KLRG1: variants seen among roughly 807,000 people sequenced by gnomAD.
KLRG1 encodes the protein killer cell lectin-like receptor subfamily G member 1.
A neutral mutation model predicts 21.8 loss-of-function variants in KLRG1; 16 were observed. That is an observed-to-expected ratio of 0.73 (90% confidence interval 0.50 to 1.11). KLRG1 has a LOEUF of 1.11. Ranked by LOEUF, KLRG1 falls within the 50% of genes most tolerant of loss-of-function variation. KLRG1 has a pLI of 0.00. For missense variants in KLRG1, 173 were observed against 218.3 expected (o/e 0.79, Z 1.31); for synonymous variants, 69 against 75.9 (o/e 0.91, Z 0.47).
the KLRG1 span, among the ~76,000 whole-genome samples, chr12:9,212,347 C>T: frequency 6.6e-6 from 1 of 152,188 alleles, no homozygotes; most frequent in African/African-American, 2.4e-5. Context: ...GCATTTCTCC[C>T]ATTAGGTCCC....
the KLRG1 span, chr12:9,153,121 C>G: frequency 1.2e-6 from 2 of 1,613,718 alleles, no homozygotes; most frequent in Non-Finnish European, 8.5e-7. Flanking sequence ...GCTTGGAGCC[C>G]TACCTGAAGA....
the KLRG1 span, chr12:9,106,752 C>T: frequency 2.3e-5 from 11 of 468,316 alleles, no homozygotes; most frequent in Non-Finnish European, 3.8e-5. Flanking sequence ...TCTCTAGCAA[C>T]TAAATATTAA....
At chr12:9,028,700 C>G in the KLRG1 span, 3 of 469,466 alleles carry the variant, frequency 6.4e-6, no homozygotes, top group Admixed American at 2.6e-5. Flanking sequence ...CCTTGGCCCC[C>G]CAAAGTGCTG....
the KLRG1 span, chr12:9,165,457 G>T: frequency 7.1e-7 from 1 of 1,417,646 alleles, no homozygotes; most frequent in Admixed American, 1.9e-5. Context: ...CTAACGTCAA[G>T]AACTGAATCC....
At chr12:9,190,819 A>G in the KLRG1 span, among the ~76,000 whole-genome samples, 3 of 152,212 alleles carry the variant, frequency 2.0e-5, no homozygotes, top group African/African-American at 4.8e-5. Context: ...TATGAAGAAT[A>G]GTGTGAAAAG....
the KLRG1 span, among the ~76,000 whole-genome samples, chr12:9,142,743 A>T: frequency 6.6e-6 from 1 of 152,230 alleles, no homozygotes. Context: ...GAACAGGGCT[A>T]GGAAAATAAT....
chr12:9,044,769 G>A, the KLRG1 span, among the ~76,000 whole-genome samples: 1 of 152,160 alleles, frequency 6.6e-6, no homozygotes, highest in Non-Finnish European at 1.5e-5. Flanking sequence ...ACTAGAGGGA[G>A]TATAGATTTG....
chr12:9,150,847 G>T, the KLRG1 span: 1 of 736,268 alleles, frequency 1.4e-6, no homozygotes, highest in Non-Finnish European at 2.3e-6. Context: ...TTTCACCAGT[G>T]TCTTTAGGTG....
At chr12:9,111,778 C>T in the KLRG1 span, among the ~76,000 whole-genome samples, 37 of 152,158 alleles carry the variant, frequency 2.4e-4, no homozygotes, top group Admixed American at 2.2e-3. Context: ...ATTACCCTGA[C>T]TTTCCTTTAT....
the KLRG1 span, chr12:9,152,860 T>C: frequency 6.2e-7 from 1 of 1,614,124 alleles, no homozygotes; most frequent in Non-Finnish European, 8.5e-7. Flanking sequence ...GGTGTGGGCT[T>C]TGTGTCCATC....
At chr12:9,036,450 TGG>T in the KLRG1 span, 1 of 168,984 alleles carries the variant, frequency 5.9e-6, no homozygotes, top group African/African-American at 2.4e-5. Flanking sequence ...GGATTTGGTT[TGG>T]GGTTGGTAAA....
At chr12:9,021,659 C>T in the KLRG1 span, among the ~76,000 whole-genome samples, 1 of 151,824 alleles carries the variant, frequency 6.6e-6, no homozygotes, top group African/African-American at 2.4e-5. Context: ...TATCCTTATT[C>T]TATAAGCTTT....
the KLRG1 span, chr12:9,200,771 G>T: frequency 9.6e-7 from 1 of 1,040,686 alleles, no homozygotes; most frequent in Non-Finnish European, 1.4e-6. Flanking sequence ...AATGGTCTTA[G>T]AAGCAGTAAG....
the KLRG1 span, chr12:9,202,324 C>G: frequency 6.2e-7 from 1 of 1,613,692 alleles, no homozygotes; most frequent in African/African-American, 1.3e-5. Context: ...CTTACCAGTT[C>G]ATTTCGAGGG....
the KLRG1 span, chr12:9,167,628 C>A: frequency 6.6e-6 from 1 of 152,140 alleles, no homozygotes; most frequent in Non-Finnish European, 1.5e-5. Flanking sequence ...CAAGAAATTT[C>A]ACAAGATATT....
the KLRG1 span, among the ~76,000 whole-genome samples, chr12:9,024,000 T>C: frequency 6.6e-6 from 1 of 150,440 alleles, no homozygotes; most frequent in Non-Finnish European, 1.5e-5. Context: ...TGAAAATCAA[T>C]TGATCGTGAA....
chr12:9,028,254 C>T, the KLRG1 span: 13 of 483,650 alleles, frequency 2.7e-5, no homozygotes, highest in East Asian at 2.2e-4. Context: ...CAGATTCAAG[C>T]GATTCTTCTG....
the KLRG1 span, chr12:9,064,813 C>G: frequency 6.5e-6 from 1 of 153,356 alleles, no homozygotes; most frequent in Non-Finnish European, 1.5e-5. This position sits in a 1 kb window ranked among gnomAD's most constrained non-coding sequence, Gnocchi z 4.0. Flanking sequence ...GGAGCGGGGC[C>G]CGCTTTGGGG....
the KLRG1 span, among the ~76,000 whole-genome samples, chr12:9,114,634 A>C: frequency 2.0e-4 from 30 of 152,150 alleles, no homozygotes; most frequent in Middle Eastern, 3.4e-3. Context: ...TATTTCAAAA[A>C]ATGTTGTGAA....
Sources: gnomAD v4.1 joint callset for allele counts (sites outside exome capture counted in the v4.1 genomes callset) on GRCh38, gnomAD v4.1.1 for gene constraint, Gnocchi (gnomAD v3.1) non-coding constraint, MANE v1.5 for transcripts, NCBI Gene and HGNC (gene_info 2026-07-23, HGNC 2026-07-21) for gene names.